Variants in SNAPIN observed in about 807,000 individuals in gnomAD.
The protein encoded by SNAPIN is SNARE-associated protein Snapin.
In SNAPIN, 16 loss-of-function variants were observed where a neutral mutation model predicts 15.9. The ratio of observed to expected loss-of-function variants is 1.01; its 90% confidence interval spans 0.68 to 1.53. The LOEUF (loss-of-function observed/expected upper bound fraction) is 1.53, where lower values mean the gene tolerates loss of function less well. SNAPIN is among the 40% of genes most tolerant of loss of function. The pLI, the probability that SNAPIN is intolerant of heterozygous loss-of-function variation, is 0.00. For missense variants in SNAPIN, 186 were observed against 180.1 expected, an observed-to-expected ratio of 1.03 and a Z score of -0.19; for synonymous variants, 83 against 76.2, an observed-to-expected ratio of 1.09 and a Z score of -0.46.
chr1:153,661,073 A>G (rs1669143830), intron 3 of SNAPIN, 127 bp from the exon 4 acceptor site: 1 of 664,546 alleles, frequency 1.5e-6, no homozygotes, highest in African/African-American at 1.8e-5. Flanking sequence ...CCCGGCCTAC[A>G]TTCTTATATA....
intron 2 of SNAPIN, 35 bp from the exon 3 acceptor site, chr1:153,659,413 G>T (rs751221698): frequency 2.4e-5 from 37 of 1,540,226 alleles, no homozygotes; most frequent in Non-Finnish European, 3.3e-5. Flanking sequence ...GAGATAAGCC[G>T]TTAGATCTTA....
In SNAPIN at chr1:153,661,334, C is replaced by CT. The variant is rs1557949843; in HGVS notation, c.*34dup. 6.6e-7 allele frequency: 1 copy of CT among 1,517,126 alleles called. No individual in the cohort carries two copies. The highest frequency in any genetic ancestry group is 9.1e-7 in the Non-Finnish European group (1 of 1,093,402). 94.0% of individuals were successfully genotyped at this position (1,517,126 alleles called of 1,614,324 possible). Reference sequence around the variant, plus strand: ...GCCTATGGACTCAGTAGCACAAGTACTGTTCCCCAGCTGCCTTGTTTCAAC... The same window carrying CT: ...GCCTATGGACTCAGTAGCACAAGTACTTGTTCCCCAGCTGCCTTGTTTCAAC... On this transcript the variant is annotated 3_prime_UTR_variant, in exon 4 of 4. Coordinates refer to ENST00000368685, the MANE Select transcript of SNAPIN (RefSeq NM_012437.6).
chr1:153,659,459 A>G lies in SNAPIN; in HGVS notation c.202A>G (p.Ile68Val), dbSNP rs1294164991. 2 of 1,613,646 alleles carry G rather than the reference A, an allele frequency of 1.2e-6. No individual in the cohort carries two copies. Among genetic ancestry groups the G allele is most frequent in the African/African-American group, 1.3e-5 (1 of 75,008 alleles). ...IDNLATELCR[I>V]NEDQKVALDL... ...ACTTCCATCCCCAGAACTGTGCCGC[A>G]TAAATGAGGATCAGAAGGTGGCCCT... The change falls in exon 3 of 4, where the codon ATA becomes GTA. Residue 68 changes from isoleucine to valine, a missense_variant. Coordinates refer to ENST00000368685, the MANE Select transcript of SNAPIN (RefSeq NM_012437.6).
At chr1:153,660,926 C>T (rs1669139074) in intron 3 of SNAPIN, among the ~76,000 whole-genome samples, 1 of 151,986 alleles carries the variant, frequency 6.6e-6, no homozygotes, top group Non-Finnish European at 1.5e-5. Context: ...CGCCACCATG[C>T]CCAGCTAATT....
At chr1:153,658,681 T>C, upstream of SNAPIN, 1 of 1,469,536 alleles carries the variant, frequency 6.8e-7, no homozygotes, top group Non-Finnish European at 9.0e-7. Context: ...GGCGGGGCAG[T>C]GCGGCGCGGC....
chr1:153,660,330 CCTT>C (rs1669115583), intron 3 of SNAPIN, among the ~76,000 whole-genome samples: 1 of 111,436 alleles, frequency 9.0e-6, no homozygotes, highest in South Asian at 3.3e-4. Flanking sequence ...GCCTGCCTGG[CCTT>C]TTTTTTTTTT....
At position 153,660,385 on chromosome 1, in the gene SNAPIN, T is replaced by A. The variant is rs1340078614; in HGVS notation, c.310-815T>A. 1.7e-4 allele frequency among the ~76,000 whole-genome samples: 26 copies of A among 150,572 alleles called. 1 individual carries two copies. Among genetic ancestry groups the A allele is most frequent in the Non-Finnish European group, 3.4e-4 (23 of 67,672 alleles). On this transcript the variant is annotated intron_variant, in intron 3 of 3. Coordinates refer to ENST00000368685, the MANE Select transcript of SNAPIN (RefSeq NM_012437.6). ...CAGGATCGGCTGGGCGCGGTGGCTC[T>A]TGCCTGTAATCCCAGCAGTTTGGGA...
intron 3 of SNAPIN, among the ~76,000 whole-genome samples, chr1:153,660,573 G>A (rs934164219): frequency 2.0e-5 from 3 of 151,402 alleles, no homozygotes; most frequent in Non-Finnish European, 1.5e-5. Flanking sequence ...ACTTGAGCCC[G>A]GGGGACGGAG....
Position 153,661,374 on chromosome 1 carries a change from C to T in SNAPIN, c.*73C>T, listed in dbSNP as rs1281285578. 8.7e-7 allele frequency: 1 copy of T among 1,151,684 alleles called. No homozygotes were observed. Among genetic ancestry groups the T allele is most frequent in the African/African-American group, 1.5e-5 (1 of 65,836 alleles). 71.3% of individuals were successfully genotyped at this position (1,151,684 alleles called of 1,614,324 possible). A position where few individuals can be genotyped will look rare whatever the true frequency, so the allele number is the denominator to read the frequency against. Reference sequence around the variant, plus strand: ...CTTGTTTCAACAGACATGCAAAGATCCTAGGAGACAGTCCCCATAGACCTT... The same window carrying T: ...CTTGTTTCAACAGACATGCAAAGATTCTAGGAGACAGTCCCCATAGACCTT... On this transcript the variant is annotated 3_prime_UTR_variant, in exon 4 of 4. Coordinates refer to ENST00000368685, the MANE Select transcript of SNAPIN (RefSeq NM_012437.6).
intron 3 of SNAPIN, among the ~76,000 whole-genome samples, chr1:153,659,986 T>G (rs1669107031): frequency 6.6e-6 from 1 of 152,014 alleles, no homozygotes; most frequent in African/African-American, 2.4e-5. Flanking sequence ...CTTCCCACCT[T>G]GGCCACCCGA....
chr1:153,660,441 G>T (rs1197022571), intron 3 of SNAPIN, among the ~76,000 whole-genome samples: 3 of 151,684 alleles, frequency 2.0e-5, no homozygotes, highest in Non-Finnish European at 2.9e-5. Flanking sequence ...CTGAGGTTGG[G>T]AGTTGGAGAC....
At chr1:153,660,475 C>T (rs1380710429) in intron 3 of SNAPIN, among the ~76,000 whole-genome samples, 1 of 151,518 alleles carries the variant, frequency 6.6e-6, no homozygotes, top group Admixed American at 6.6e-5. Flanking sequence ...ATAGAGAAAC[C>T]CCGTCTCTAC....
chr1:153,660,331 C>CTTTTTT (rs534699445), intron 3 of SNAPIN, among the ~76,000 whole-genome samples: 1 of 135,190 alleles, frequency 7.4e-6, no homozygotes, highest in Admixed American at 7.4e-5. Context: ...CCTGCCTGGC[C>CTTTTTT]TTTTTTTTTT....
Position 153,659,862 on chromosome 1 carries a change from G to A in SNAPIN, c.309+296G>A, listed in dbSNP as rs77609806. Among the ~76,000 whole-genome samples the A allele has an allele frequency of 2.5e-3, 374 of 152,088 alleles. 1 individual carries two copies. The highest frequency in any genetic ancestry group is 2.9e-3 in the Non-Finnish European group (198 of 67,988). On this transcript the variant is annotated intron_variant, in intron 3 of 3. Transcript: ENST00000368685. ...TCAAGCAATTCTGCCTCCGCCTCCC[G>A]AGTAACTAGGACTACAAGCGTGCAC...
Position 153,661,230 on chromosome 1 carries a change from G to C in SNAPIN, c.340G>C (p.Ala114Pro). ...ERLRRLNHSV[A>P]KETARRRAML... ...ACTGAGACGGCTAAACCACAGTGTT[G>C]CCAAGGAAACAGCCCGCAGGAGAGC... Residue 114 changes from alanine (A) to proline (P), a missense_variant, in exon 4 of 4, where the codon GCC becomes CCC. Physicochemically the swap from Ala to Pro is conservative, Grantham distance 27. Coordinates refer to ENST00000368685, the MANE Select transcript of SNAPIN (RefSeq NM_012437.6). The C allele has an allele frequency of 6.2e-7, 1 of 1,613,714 alleles. No individual in the cohort carries two copies. Among genetic ancestry groups the C allele is most frequent in the Non-Finnish European group, 8.5e-7 (1 of 1,179,790 alleles).
At chr1:153,661,014 C>G (rs1377348063) in intron 3 of SNAPIN, among the ~76,000 whole-genome samples, 186 bp from the exon 4 acceptor site, 1 of 151,746 alleles carries the variant, frequency 6.6e-6, no homozygotes, top group Non-Finnish European at 1.5e-5. Flanking sequence ...AGGTAATCCA[C>G]CCGCCTCAGC....
rs772999672 is a variant in SNAPIN at position 153,659,486 on chromosome 1, G to A, written c.229G>A (p.Asp77Asn). 1.2e-6 allele frequency: 2 copies of A among 1,614,094 alleles called. No individual in the cohort carries two copies. Among genetic ancestry groups the A allele is most frequent in the South Asian group, 2.2e-5 (2 of 91,078 alleles). The change falls in exon 3 of 4, where the codon GAT (aspartate) becomes AAT (asparagine). Residue 77 changes from aspartate (D) to asparagine (N), a missense_variant. Physicochemically the swap from Asp to Asn is conservative, Grantham distance 23. Coordinates refer to ENST00000368685, the MANE Select transcript of SNAPIN (RefSeq NM_012437.6). ...AAATGAGGATCAGAAGGTGGCCCTG[G>A]ATCTTGACCCCTATGTTAAGAAGCT... ...RINEDQKVAL[D>N]LDPYVKKLLN...
At chr1:153,659,340 C>CTG in intron 2 of SNAPIN, 108 bp from the exon 3 acceptor site, 2 of 1,223,746 alleles carry the variant, frequency 1.6e-6, no homozygotes, top group Non-Finnish European at 2.4e-6. Flanking sequence ...TCTCTAATGG[C>CTG]TGTGGCCCGT....
At chr1:153,661,149 C>G (rs770931604) in intron 3 of SNAPIN, 51 bp from the exon 4 acceptor site, 3 of 1,483,558 alleles carry the variant, frequency 2.0e-6, no homozygotes, top group Non-Finnish European at 2.8e-6. Context: ...TTCACTTACA[C>G]TCTCAAGCCT....
Sources: allele counts gnomAD v4.1 joint callset (sites outside exome capture counted in the v4.1 genomes callset), GRCh38; gene constraint gnomAD v4.1.1; transcripts MANE v1.5; gene names NCBI Gene and HGNC (gene_info 2026-07-23, HGNC 2026-07-21).